The following SIMC1 variants were observed in gnomAD, a reference collection of about 807,000 sequenced individuals.
The protein encoded by SIMC1 is SUMO interacting motifs containing 1.
A neutral mutation model predicts 82.3 loss-of-function variants in SIMC1; 55 were observed. The ratio of observed to expected loss-of-function variants is 0.67; its 90% confidence interval spans 0.54 to 0.84. The LOEUF is 0.84. Among genes scored for constraint, SIMC1 ranks in the 40% least tolerant of loss-of-function variants. The probability of loss-of-function intolerance (pLI) is 0.00; values close to 1 mark genes in which losing one functional copy is unlikely to be tolerated. For synonymous variants in SIMC1, 353 were observed against 426.3 expected (o/e 0.83, Z 2.12); for missense variants, 915 against 1,107.2 (o/e 0.83, Z 2.46).
At chr5:176,291,573 T>G (rs1031217278) in intron 2 of SIMC1, among the ~76,000 whole-genome samples, 3 of 152,014 alleles carry the variant, frequency 2.0e-5, no homozygotes, top group African/African-American at 7.2e-5. Flanking sequence ...CCTGACCTCG[T>G]GATCCACCCG....
intron 4 of SIMC1, among the ~76,000 whole-genome samples, chr5:176,300,403 T>C (rs1262701121): frequency 2.0e-5 from 3 of 152,166 alleles, no homozygotes; most frequent in Non-Finnish European, 4.4e-5. Flanking sequence ...ACTGAAACCT[T>C]GAACTTCTGG....
At chr5:176,275,505 C>T (rs1015771318) in intron 1 of SIMC1, among the ~76,000 whole-genome samples, 2 of 151,896 alleles carry the variant, frequency 1.3e-5, no homozygotes, top group African/African-American at 4.8e-5. Flanking sequence ...ACTTCCAACA[C>T]TGTGTTGAAG....
At chr5:176,266,024 ACT>A (rs1217253383) in intron 1 of SIMC1, among the ~76,000 whole-genome samples, 3 of 152,040 alleles carry the variant, frequency 2.0e-5, no homozygotes, top group Non-Finnish European at 2.9e-5. Flanking sequence ...GGAGCAACTG[ACT>A]CTCTCCAAAA....
chr5:176,321,672 G>A (rs1199553423), intron 5 of SIMC1, among the ~76,000 whole-genome samples: 1 of 152,084 alleles, frequency 6.6e-6, no homozygotes, highest in Admixed American at 6.6e-5. Context: ...CCTGTATAAA[G>A]TGTGATTCCA....
chr5:176,260,476 T>C (rs1203416325), intron 1 of SIMC1, among the ~76,000 whole-genome samples: 1 of 152,176 alleles, frequency 6.6e-6, no homozygotes, highest in East Asian at 1.9e-4. Context: ...GAAATTTTAA[T>C]AAAAATTTTT....
chr5:176,283,554 C>G (rs1763117882), intron 1 of SIMC1, among the ~76,000 whole-genome samples: 1 of 152,200 alleles, frequency 6.6e-6, no homozygotes, highest in Admixed American at 6.6e-5. Context: ...GAACCGTTAG[C>G]AGCCACTGCA....
At chr5:176,336,621 T>A in intron 7 of SIMC1, 99 bp from the exon 8 acceptor site, 1 of 1,492,244 alleles carries the variant, frequency 6.7e-7, no homozygotes, top group Non-Finnish European at 9.0e-7. Context: ...CTTAACTGTC[T>A]TTTTTAGGAC....
chr5:176,276,432 T>A (rs1191372100), intron 1 of SIMC1, among the ~76,000 whole-genome samples: 1 of 148,850 alleles, frequency 6.7e-6, no homozygotes, highest in Admixed American at 6.8e-5. Context: ...AGATCCTGGA[T>A]TCATTAATTT....
At chr5:176,314,653 T>C (rs1764820467) in intron 5 of SIMC1, among the ~76,000 whole-genome samples, 1 of 152,160 alleles carries the variant, frequency 6.6e-6, no homozygotes, top group African/African-American at 2.4e-5. Context: ...TCTGGAAGCA[T>C]GGAACTACTA....
At chr5:176,336,116 G>C (rs550214711) in intron 7 of SIMC1, among the ~76,000 whole-genome samples, 1 of 151,490 alleles carries the variant, frequency 6.6e-6, no homozygotes, top group Non-Finnish European at 1.5e-5. Context: ...GAGAGAGAGA[G>C]ATTAGAAAGC....
At chr5:176,280,312 G>A (rs1397429179) in intron 1 of SIMC1, among the ~76,000 whole-genome samples, 1 of 151,398 alleles carries the variant, frequency 6.6e-6, no homozygotes, top group Non-Finnish European at 1.5e-5. Flanking sequence ...CCTTTTTTTT[G>A]TTTTCCATTT....
chr5:176,249,865 C>A (rs1448833572), intron 1 of SIMC1, among the ~76,000 whole-genome samples: 16 of 91,152 alleles, frequency 1.8e-4, no homozygotes, highest in African/African-American at 2.2e-4. Flanking sequence ...AAAAAAAAAA[C>A]CAGCTCCTGA....
intron 4 of SIMC1, among the ~76,000 whole-genome samples, chr5:176,307,047 GAA>G (rs1487947156): frequency 6.6e-6 from 1 of 152,144 alleles, no homozygotes; most frequent in African/African-American, 2.4e-5. Flanking sequence ...ACAAACTTCT[GAA>G]AAGATACTCA....
chr5:176,276,485 T>C (rs1184630636), intron 1 of SIMC1, among the ~76,000 whole-genome samples: 3 of 150,866 alleles, frequency 2.0e-5, no homozygotes, highest in East Asian at 3.9e-4. Context: ...TTAGGGTACA[T>C]GTGCACATTG....
intron 1 of SIMC1, among the ~76,000 whole-genome samples, chr5:176,246,135 G>A (rs1220761570): frequency 3.3e-5 from 5 of 150,242 alleles, no homozygotes; most frequent in African/African-American, 7.3e-5. Context: ...TCAGCCTCCT[G>A]AGTAGCTGGG....
chr5:176,243,122 G>A (rs2113097158), intron 1 of SIMC1, among the ~76,000 whole-genome samples: 1 of 152,152 alleles, frequency 6.6e-6, no homozygotes, highest in East Asian at 1.9e-4. Context: ...GGAAAGATAG[G>A]CAGTAAACAA....
chr5:176,341,486 T>C (rs1766141888), intron 9 of SIMC1, among the ~76,000 whole-genome samples: 1 of 152,236 alleles, frequency 6.6e-6, no homozygotes, highest in Non-Finnish European at 1.5e-5. Context: ...TAAAGGCTGC[T>C]CTACCTGATG....
chr5:176,249,553 G>A (rs1211940276), intron 1 of SIMC1, among the ~76,000 whole-genome samples: 2 of 151,850 alleles, frequency 1.3e-5, no homozygotes, highest in Non-Finnish European at 1.5e-5. Flanking sequence ...CAAAAAAACA[G>A]CTCCTGGCCA....
At chr5:176,310,727 T>C (rs1764628589) in intron 4 of SIMC1, among the ~76,000 whole-genome samples, 1 of 152,186 alleles carries the variant, frequency 6.6e-6, no homozygotes, top group Non-Finnish European at 1.5e-5. Context: ...TATATGATTA[T>C]GATGATTATG....
Sources: allele counts gnomAD v4.1 joint callset (sites outside exome capture counted in the v4.1 genomes callset), GRCh38; gene constraint gnomAD v4.1.1; transcripts MANE v1.5; gene names NCBI Gene and HGNC (gene_info 2026-07-23, HGNC 2026-07-21).